Variants in SFXN5 observed in about 807,000 individuals in gnomAD.
SFXN5 encodes sideroflexin-5.
In SFXN5, 43 loss-of-function variants were observed where a neutral mutation model predicts 50.2. The ratio of observed to expected loss-of-function variants is 0.86; its 90% CI spans 0.67 to 1.11. The LOEUF (loss-of-function observed/expected upper bound fraction) is 1.11, where lower values mean the gene tolerates loss of function less well. SFXN5 is among the 50% of genes least tolerant of loss of function. The pLI is 0.00. For missense variants in SFXN5, 463 were observed against 454.1 expected, an observed-to-expected ratio of 1.02 and a Z score of -0.18; for synonymous variants, 203 against 185.8, an observed-to-expected ratio of 1.09 and a Z score of -0.75.
chr2:72,957,000 C>G, intron 13 of SFXN5: 1 of 453,020 alleles, frequency 2.2e-6, no homozygotes, highest in South Asian at 1.5e-5. Flanking sequence ...GACAGCCCCT[C>G]CTCTTTGAAT....
intron 2 of SFXN5, among the ~76,000 whole-genome samples, chr2:73,043,058 C>T (rs1214451683): frequency 6.6e-6 from 1 of 152,110 alleles, no homozygotes; most frequent in African/African-American, 2.4e-5. Flanking sequence ...ACAGAGTGAG[C>T]CTGTCTCCAA....
intron 3 of SFXN5, among the ~76,000 whole-genome samples, chr2:73,025,396 C>T (rs1225169271): frequency 1.3e-5 from 2 of 152,132 alleles, no homozygotes; most frequent in Admixed American, 6.5e-5. Context: ...CACATTCCAT[C>T]CCCCCAGGGC....
intron 2 of SFXN5, among the ~76,000 whole-genome samples, chr2:73,055,450 A>G (rs1681959038): frequency 6.6e-6 from 1 of 152,220 alleles, no homozygotes; most frequent in Non-Finnish European, 1.5e-5. Flanking sequence ...AGTTAATCTG[A>G]TAAGTTAATG....
At chr2:72,952,772 A>T (rs993809040) in intron 13 of SFXN5, among the ~76,000 whole-genome samples, 2 of 152,144 alleles carry the variant, frequency 1.3e-5, no homozygotes, top group East Asian at 3.9e-4. Context: ...CACAAAATGG[A>T]TAGGATGGCC....
intron 12 of SFXN5, among the ~76,000 whole-genome samples, chr2:72,965,127 C>T (rs1674223544): frequency 6.6e-6 from 1 of 152,196 alleles, no homozygotes; most frequent in African/African-American, 2.4e-5. Flanking sequence ...AGCTGGACAT[C>T]CAGAGGAGCA....
At chr2:72,990,371 C>A (rs1672437195) in intron 9 of SFXN5, among the ~76,000 whole-genome samples, 1 of 152,076 alleles carries the variant, frequency 6.6e-6, no homozygotes, top group Non-Finnish European at 1.5e-5. Flanking sequence ...TCATACTGGG[C>A]CCTGCTGCCC....
intron 2 of SFXN5, chr2:73,044,623 T>TGAACTCCGCAG (rs1680084007): frequency 1.3e-5 from 2 of 152,738 alleles, no homozygotes; most frequent in South Asian, 4.1e-4. Flanking sequence ...GGTGGCAGGG[T>TGAACTCCGCAG]GAACTCCGCA....
Position 72,945,236 on chromosome 2 carries a change from C to CA in SFXN5, c.946-138dup, listed in dbSNP as rs1327711833. Reference sequence around the variant, plus strand: ...CCGTGTCCACCCCAGCCAGGGCTCACATGCCCTACCTAGTGACACATCTTC... The same window carrying CA: ...CCGTGTCCACCCCAGCCAGGGCTCACAATGCCCTACCTAGTGACACATCTTC... On this transcript the variant is annotated intron_variant, in intron 13 of 13. Transcript: ENST00000272433. This position sits in a 1 kb window ranked among gnomAD's most constrained non-coding sequence, Gnocchi z 5.8. 2.7e-6 allele frequency: 2 copies of CA among 736,766 alleles called. No homozygotes were observed. Among genetic ancestry groups the CA allele is most frequent in the Non-Finnish European group, 2.3e-6 (1 of 427,834 alleles). 45.6% of individuals were successfully genotyped at this position (736,766 alleles called of 1,614,324 possible). A position where few individuals can be genotyped will look rare whatever the true frequency, so the allele number is the denominator to read the frequency against.
Position 73,024,127 on chromosome 2 carries a change from G to A in SFXN5, c.250-913C>T, listed in dbSNP as rs188266758. Among the ~76,000 whole-genome samples, 365 of 151,364 alleles carry A rather than the reference G, an allele frequency of 2.4e-3. 5 individuals are homozygous for A. Among genetic ancestry groups the A allele is most frequent in the Admixed American group, 0.021 (319 of 15,194 alleles). On this transcript the variant is annotated intron_variant, in intron 3 of 13. Coordinates refer to ENST00000272433, the MANE Select transcript of SFXN5 (RefSeq NM_144579.3). Reference sequence around the variant, plus strand: ...CAACCTCTGTCTCCCGGGTTCAAGCGATTCTCCCGCCTCAGCCTCCTGAGT... The same window carrying A: ...CAACCTCTGTCTCCCGGGTTCAAGCAATTCTCCCGCCTCAGCCTCCTGAGT...
In SFXN5 at chr2:72,980,421, G is replaced by A. The variant is rs1252499225; in HGVS notation, c.625+7837C>T. Among the ~76,000 whole-genome samples, 4 of 152,154 alleles carry A rather than the reference G, an allele frequency of 2.6e-5. No homozygotes were observed. The East Asian group carries it at 5.8e-4, about 22-fold the overall frequency. On this transcript the variant is annotated intron_variant, in intron 10 of 13. Transcript: ENST00000272433. ...ACCCCTCTGCCTTTAAGACAGTGAT[G>A]ATTATCAAATAAGGATGCATGCCCT...
intron 6 of SFXN5, among the ~76,000 whole-genome samples, chr2:73,012,657 C>CACACACACACACACACAA (rs1675666276): frequency 9.1e-6 from 1 of 110,326 alleles, no homozygotes; most frequent in Non-Finnish European, 1.7e-5. Context: ...ACAACACACA[C>CACACACACACACACACAA]ACACACACAC....
intron 13 of SFXN5, among the ~76,000 whole-genome samples, chr2:72,951,127 G>A (rs1451786478): frequency 6.6e-6 from 1 of 152,128 alleles, no homozygotes; most frequent in Non-Finnish European, 1.5e-5. Context: ...GGTCGCCCCC[G>A]CCACAGAAGT....
chr2:73,047,885 C>G (rs1387424153), intron 2 of SFXN5, among the ~76,000 whole-genome samples: 3 of 152,114 alleles, frequency 2.0e-5, no homozygotes, highest in African/African-American at 7.2e-5. Context: ...AAAGGAAAAA[C>G]AGTGAGATTT....
intron 10 of SFXN5, chr2:72,980,874 T>C (rs1225138721): frequency 6.7e-6 from 1 of 148,314 alleles, no homozygotes; most frequent in East Asian, 2.0e-4. Flanking sequence ...CCCTCCTGCA[T>C]AGCCCCTCCC....
chr2:72,961,057 G>A lies in SFXN5; in HGVS notation c.945+74C>T, dbSNP rs1573960438. 3.7e-6 allele frequency: 4 copies of A among 1,094,752 alleles called. No individual in the cohort carries two copies. In the South Asian group the frequency reaches 5.2e-5, roughly 14 times the overall value. 67.8% of individuals were successfully genotyped at this position (1,094,752 alleles called of 1,614,324 possible). A position where few individuals can be genotyped will look rare whatever the true frequency, so the allele number is the denominator to read the frequency against. On this transcript the variant is annotated intron_variant, in intron 13 of 13. Coordinates refer to ENST00000272433, the MANE Select transcript of SFXN5 (RefSeq NM_144579.3). This position sits in a 1 kb window ranked among gnomAD's most constrained non-coding sequence, Gnocchi z 4.4. ...AGCATGGCGCTAAGGAGTCGGCACG[G>A]TATGAGTATTTGTTCAGAAATCACC...
In SFXN5 at chr2:72,944,823, A is replaced by T; in HGVS notation, c.*199T>A. On this transcript the variant is annotated 3_prime_UTR_variant, in exon 14 of 14. Coordinates refer to ENST00000272433, the MANE Select transcript of SFXN5 (RefSeq NM_144579.3). ...ATGCACTTGATTATTTTTTTGTACGAAATGTGTTAGAACTCCTCTTGCCTA... is the reference window on the plus strand; with the variant it reads ...ATGCACTTGATTATTTTTTTGTACGTAATGTGTTAGAACTCCTCTTGCCTA... The T allele has an allele frequency of 3.7e-6, 2 of 537,774 alleles. No individual in the cohort carries two copies. Among genetic ancestry groups the T allele is most frequent in the Non-Finnish European group, 6.6e-6 (2 of 303,140 alleles). The allele number at this position is 537,774 out of a possible 1,614,324, so 33.3% of individuals were successfully genotyped here.
Position 72,942,216 on chromosome 2 carries a change from C to T in SFXN5, c.*2806G>A, listed in dbSNP as rs1178127403. The T allele has an allele frequency of 6.6e-6, 1 of 152,260 alleles. No individual in the cohort carries two copies. The highest frequency in any genetic ancestry group is 1.5e-5 in the Non-Finnish European group (1 of 68,068). The allele number at this position is 152,260 out of a possible 1,614,324, so 9.4% of individuals were successfully genotyped here. On this transcript the variant is annotated 3_prime_UTR_variant, in exon 14 of 14. Coordinates refer to ENST00000272433, the MANE Select transcript of SFXN5 (RefSeq NM_144579.3). ...AGACCACCCTGGGTCTGTCCACCAG[C>T]CTTTTTCCTCCTCTAGGCTCCTGCC...
intron 3 of SFXN5, among the ~76,000 whole-genome samples, chr2:73,039,814 T>TTTTAC (rs1456406702): frequency 6.7e-6 from 1 of 149,626 alleles, no homozygotes; most frequent in Non-Finnish European, 1.5e-5. Context: ...TTTTATTTTA[T>TTTTAC]TTCTATTAAT....
intron 2 of SFXN5, among the ~76,000 whole-genome samples, chr2:73,051,954 C>G (rs562265594): frequency 6.6e-6 from 1 of 152,310 alleles, no homozygotes; most frequent in Admixed American, 6.5e-5. Context: ...CCTCTTAATA[C>G]TATCACATTC....
Sources: gnomAD v4.1 joint callset for allele counts (sites outside exome capture counted in the v4.1 genomes callset) on GRCh38, gnomAD v4.1.1 for gene constraint, Gnocchi (gnomAD v3.1) non-coding constraint, MANE v1.5 for transcripts, NCBI Gene and HGNC (gene_info 2026-07-23, HGNC 2026-07-21) for gene names.